XPO1: variants seen among roughly 807,000 people sequenced by gnomAD.
XPO1 encodes exportin 1.
XPO1 carries 5 observed loss-of-function variants against 133.3 expected under a neutral mutation model. The ratio of observed to expected loss-of-function variants is 0.04; its 90% CI spans 0.02 to 0.08. The LOEUF (loss-of-function observed/expected upper bound fraction) is 0.08. Ranked by LOEUF, XPO1 falls within the 10% of genes least tolerant of loss-of-function variation. The pLI is 1.00. For synonymous variants in XPO1, 419 were observed against 408.2 expected (o/e 1.03, Z -0.32); for missense variants, 506 against 1,267.5 (o/e 0.40, Z 9.12).
intron 4 of XPO1, among the ~76,000 whole-genome samples, chr2:61,521,810 C>CA (rs1399818807): frequency 3.3e-5 from 5 of 152,018 alleles, no homozygotes; most frequent in African/African-American, 1.2e-4. Context: ...GGCTAGAGTA[C>CA]AGTGGCACAA....
At chr2:61,491,878 C>T (rs1260940793) in intron 16 of XPO1, among the ~76,000 whole-genome samples, 157 bp downstream of exon 16, 7 of 152,102 alleles carry the variant, frequency 4.6e-5, no homozygotes, top group Non-Finnish European at 1.0e-4. Context: ...CAAGCCTGGG[C>T]AACAGAGTAA....
chr2:61,503,512 C>T (rs899069189), intron 4 of XPO1, among the ~76,000 whole-genome samples: 3 of 152,170 alleles, frequency 2.0e-5, no homozygotes, highest in African/African-American at 7.2e-5. Flanking sequence ...GCAAGCTCCA[C>T]CTCCTGGGTT....
At chr2:61,514,697 C>T (rs142661145) in intron 4 of XPO1, among the ~76,000 whole-genome samples, 10 of 151,920 alleles carry the variant, frequency 6.6e-5, no homozygotes, top group Admixed American at 5.2e-4. Flanking sequence ...AAATGTCAGC[C>T]GAGATGTGAA....
Position 61,482,476 on chromosome 2 carries a change from C to G in XPO1, c.2876G>C (p.Ser959Thr). The G allele has an allele frequency of 6.2e-7, 1 of 1,613,224 alleles. No homozygotes were observed. Among genetic ancestry groups the G allele is most frequent in the Non-Finnish European group, 8.5e-7 (1 of 1,179,652 alleles). The change falls in exon 23 of 25, where the codon AGT (serine) becomes ACT (threonine). Residue 959 changes from serine (S) to threonine (T), a missense_variant. By Grantham distance (58) the Ser-to-Thr change is moderately conservative. Around this residue, in one of 6 missense-constraint regions of XPO1, gnomAD observed 203 missense variants for 365.9 expected, o/e 0.55. Transcript: ENST00000401558. ...TGGATTTCCAGGATTTAATGATGTA[C>G]TTATTTTTCCTTCTTCAACCAAATT... ...MFNLVEEGKISTSLNPGNPVN... is the reference protein window; with the variant it reads ...MFNLVEEGKITTSLNPGNPVN...
chr2:61,499,041 G>C, intron 7 of XPO1, 128 bp from the exon 8 acceptor site: 1 of 1,084,358 alleles, frequency 9.2e-7, no homozygotes, highest in Middle Eastern at 3.1e-4. Flanking sequence ...CAGAACTTTG[G>C]GAGGCCATGG....
rs55737388 is a variant in XPO1, at chr2:61,507,243, CA to C, written c.302-4934del. Among the ~76,000 whole-genome samples, 197 of 65,494 alleles carry C rather than the reference CA, an allele frequency of 3.0e-3. 8 individuals carry two copies. The East Asian group carries it at 0.054, about 18-fold the overall frequency. 43.0% of individuals were successfully genotyped at this position (65,494 alleles called of 152,430 possible). A position where few individuals can be genotyped will look rare whatever the true frequency, so the allele number is the denominator to read the frequency against. On this transcript the variant is annotated intron_variant, in intron 4 of 24. Coordinates refer to ENST00000401558, the MANE Select transcript of XPO1 (RefSeq NM_003400.4). ...TGGGTGACAGCGGGAGACTCCATCT[CA>C]AAAAAAAAAAAAAAAGAGTGAAGAA...
At chr2:61,479,128 C>A (rs1468034502) in intron 24 of XPO1, among the ~76,000 whole-genome samples, 162 bp from the exon 25 acceptor site, 1 of 152,148 alleles carries the variant, frequency 6.6e-6, no homozygotes, top group Non-Finnish European at 1.5e-5. Context: ...TACTACATAG[C>A]TGAATGAACT....
At chr2:61,528,736 TATATATA>T (rs1699023236) in intron 2 of XPO1, among the ~76,000 whole-genome samples, 2 of 1,890 alleles carry the variant, frequency 1.1e-3, no homozygotes, top group African/African-American at 7.7e-3. Flanking sequence ...ATTTTATTTA[TATATATA>T]TATATATATA....
chr2:61,528,759 A>G (rs374609096), intron 2 of XPO1, among the ~76,000 whole-genome samples: 5 of 40,692 alleles, frequency 1.2e-4, no homozygotes, highest in Admixed American at 5.0e-4. Flanking sequence ...ATATATATAT[A>G]TATATATATA....
chr2:61,531,058 C>T (rs781662767), intron 2 of XPO1, among the ~76,000 whole-genome samples: 12 of 152,130 alleles, frequency 7.9e-5, no homozygotes, highest in Non-Finnish European at 1.2e-4. Context: ...CAAATTAAGA[C>T]GTCTAACACT....
chr2:61,479,180 C>A (rs953118265), intron 24 of XPO1, among the ~76,000 whole-genome samples: 4 of 152,140 alleles, frequency 2.6e-5, no homozygotes, highest in African/African-American at 7.2e-5. Context: ...ACAAAAGAAT[C>A]ATGGGCCCCG....
At chr2:61,508,478 C>T (rs1697932990) in intron 4 of XPO1, among the ~76,000 whole-genome samples, 2 of 152,062 alleles carry the variant, frequency 1.3e-5, no homozygotes, top group African/African-American at 4.8e-5. Context: ...ATCAAATAGT[C>T]AATATAAACT....
At chr2:61,525,821 C>T (rs1698884908) in intron 3 of XPO1, 3 of 1,039,934 alleles carry the variant, frequency 2.9e-6, no homozygotes, top group Non-Finnish European at 3.5e-6. Flanking sequence ...AAGTGGAAAC[C>T]TTTCGTGTAT....
At chr2:61,494,757 A>ATT (rs1028520648) in intron 11 of XPO1, 1 of 147,154 alleles carries the variant, frequency 6.8e-6, no homozygotes, top group African/African-American at 2.5e-5. Flanking sequence ...ATGCCACTGA[A>ATT]TTGTGTGTGT....
Position 61,498,764 on chromosome 2 carries a change from T to C in XPO1, c.668A>G (p.His223Arg). Reference sequence around the variant, plus strand: ...TCTGAGCAATGTTTCCAAGGTTGCATGTACAAGTGGAGCATTTTGAGAATT... The same window carrying C: ...TCTGAGCAATGTTTCCAAGGTTGCACGTACAAGTGGAGCATTTTGAGAATT... ...MENSQNAPLV[H>R]ATLETLLRFL... Residue 223 changes from histidine (H) to arginine (R), a missense_variant, in exon 9 of 25, where the codon CAT becomes CGT. Around this residue, in one of 6 missense-constraint regions of XPO1, gnomAD observed 134 missense variants for 261.6 expected, o/e 0.51. Coordinates refer to ENST00000401558, the MANE Select transcript of XPO1 (RefSeq NM_003400.4). The C allele has an allele frequency of 2.5e-6, 4 of 1,614,116 alleles. No individual in the cohort carries two copies. The highest frequency in any genetic ancestry group is 3.4e-6 in the Non-Finnish European group (4 of 1,179,996).
intron 24 of XPO1, 94 bp from the exon 25 acceptor site, chr2:61,479,060 G>T: frequency 1.4e-6 from 2 of 1,419,220 alleles, no homozygotes; most frequent in Non-Finnish European, 1.9e-6. Flanking sequence ...AGAGAAGGAA[G>T]GAATATAAAT....
In XPO1 at chr2:61,491,981, G is replaced by GATTGAT. The variant is rs1323682307; in HGVS notation, c.1887+48_1887+53dup. ...CCTCCTATTTCCATTGATACATACA[G>GATTGAT]ATTGATACAAGTGTTACTTTCTAAA... On this transcript the variant is annotated intron_variant, in intron 16 of 24. Transcript: ENST00000401558. 3.8e-6 allele frequency: 6 copies of GATTGAT among 1,589,648 alleles called. No homozygotes were observed. In the African/African-American group the frequency reaches 8.1e-5, roughly 21 times the overall value.
intron 20 of XPO1, chr2:61,485,484 C>A (rs189970340): frequency 0.015 from 2,469 of 167,232 alleles, 147 homozygotes; most frequent in Non-Finnish European, 0.021. Context: ...CCCCCCCCCC[C>A]ACTTCAGCCT....
chr2:61,481,569 C>T (rs549229599), intron 23 of XPO1, among the ~76,000 whole-genome samples: 1 of 152,164 alleles, frequency 6.6e-6, no homozygotes, highest in Admixed American at 6.5e-5. Context: ...GCCTCAGCCT[C>T]CCAAGTAGCT....
Sources: allele counts gnomAD v4.1 joint callset (sites outside exome capture counted in the v4.1 genomes callset), GRCh38; gene constraint gnomAD v4.1.1; regional missense constraint gnomAD v4.1.1; transcripts MANE v1.5; gene names NCBI Gene and HGNC (gene_info 2026-07-23, HGNC 2026-07-21).